The following PDE2A variants were observed in gnomAD, a reference collection of about 807,000 sequenced individuals.
PDE2A encodes the protein phosphodiesterase 2A, also known as cGMP-dependent 3',5'-cyclic phosphodiesterase.
Under a neutral mutation model 133.6 loss-of-function variants are expected in PDE2A, and 53 were observed. The observed-to-expected ratio is 0.40, with a 90% CI of 0.32 to 0.50. PDE2A has a LOEUF of 0.50. Among genes scored for constraint, PDE2A ranks in the 20% least tolerant of loss-of-function variants. The pLI is 0.73. For synonymous variants in PDE2A, 491 were observed against 490.2 expected, an observed-to-expected ratio of 1.00 and a Z score of -0.02; for missense variants, 796 against 1,232.4, an observed-to-expected ratio of 0.65 and a Z score of 5.30.
At position 72,605,734 on chromosome 11, in the gene PDE2A, C is replaced by A. The variant is rs142032428; in HGVS notation, c.235-508G>T. On this transcript the variant is annotated intron_variant, in intron 3 of 30. Transcript: ENST00000334456. ...GGGAGGAACACAGAGCAGGGCACTGCGCCATCCTCCGGTGGGGCTGGAGAG... is the reference window on the plus strand; with the variant it reads ...GGGAGGAACACAGAGCAGGGCACTGAGCCATCCTCCGGTGGGGCTGGAGAG... 1.5e-4 allele frequency among the ~76,000 whole-genome samples: 23 copies of A among 152,366 alleles called. No individual in the cohort carries two copies. The East Asian group carries it at 4.4e-3, about 29-fold the overall frequency.
chr11:72,601,952 C>T, intron 4 of PDE2A, among the ~76,000 whole-genome samples: 1 of 152,116 alleles, frequency 6.6e-6, no homozygotes, highest in Non-Finnish European at 1.5e-5. Flanking sequence ...GTCCTGGATC[C>T]CAGGTCTCTG....
At chr11:72,599,463 C>T (rs1024919490) in intron 4 of PDE2A, among the ~76,000 whole-genome samples, 1 of 152,138 alleles carries the variant, frequency 6.6e-6, no homozygotes, top group Non-Finnish European at 1.5e-5. Context: ...AGGTCCTTCA[C>T]GGCTTGTCCA....
intron 2 of PDE2A, among the ~76,000 whole-genome samples, chr11:72,614,620 C>T (rs1398958198): frequency 6.6e-6 from 1 of 152,222 alleles, no homozygotes; most frequent in Non-Finnish European, 1.5e-5. Context: ...CGTTTCCAAA[C>T]ATTCCTAGAT....
chr11:72,641,905 T>G (rs1033572511), intron 2 of PDE2A, among the ~76,000 whole-genome samples: 2 of 152,070 alleles, frequency 1.3e-5, no homozygotes, highest in East Asian at 3.9e-4. Flanking sequence ...GAGCCCCACA[T>G]ATATGGTGAA....
At chr11:72,654,454 G>T (rs415603) in intron 1 of PDE2A, among the ~76,000 whole-genome samples, 1 of 152,132 alleles carries the variant, frequency 6.6e-6, no homozygotes, top group South Asian at 2.1e-4. Context: ...AGGCTCCTCC[G>T]CCGGGGAAGA....
chr11:72,589,709 C>T, intron 11 of PDE2A, 42 bp downstream of exon 11: 1 of 1,593,998 alleles, frequency 6.3e-7, no homozygotes, highest in Middle Eastern at 1.7e-4. Flanking sequence ...CGGCCTCAAC[C>T]GCCCCTGCAG....
Position 72,578,355 on chromosome 11 carries a change from C to A in PDE2A, c.2509-16G>T, listed in dbSNP as rs780118305. On this transcript the variant is annotated splice_polypyrimidine_tract_variant and intron_variant, in intron 29 of 30. Transcript: ENST00000334456. This position sits in a 1 kb window ranked among gnomAD's most constrained non-coding sequence, Gnocchi z 4.2. Reference sequence around the variant, plus strand: ...TGGCCTTCTCCTGCAGGCATCGAGTCGTCAGGCCTGTCCCTCTCATTCCTC... The same window carrying A: ...TGGCCTTCTCCTGCAGGCATCGAGTAGTCAGGCCTGTCCCTCTCATTCCTC... 2 of 1,599,432 alleles carry A rather than the reference C, an allele frequency of 1.3e-6. No homozygotes were observed. Among genetic ancestry groups the A allele is most frequent in the South Asian group, 1.1e-5 (1 of 90,752 alleles).
chr11:72,641,499 TGGGCACATG>T (rs903841440), intron 2 of PDE2A, among the ~76,000 whole-genome samples: 1 of 151,338 alleles, frequency 6.6e-6, no homozygotes, highest in African/African-American at 2.4e-5. Flanking sequence ...CCAAGAGAGG[TGGGCACATG>T]GGGCAACAGA....
At chr11:72,662,381 GC>G (rs1161058962) in intron 1 of PDE2A, among the ~76,000 whole-genome samples, 1 of 152,188 alleles carries the variant, frequency 6.6e-6, no homozygotes, top group Non-Finnish European at 1.5e-5. Context: ...TCCCAGGGAG[GC>G]CCAAGGCCCA....
chr11:72,590,476 CT>C lies in PDE2A; in HGVS notation c.653del (p.Lys218ArgfsTer75). 6.5e-7 allele frequency: 1 copy of C among 1,535,350 alleles called. No individual in the cohort carries two copies. The highest frequency in any genetic ancestry group is 8.7e-7 in the Non-Finnish European group (1 of 1,144,646). ...NPPEGTAEDQ[K>X]GGAAYTDRDR... ...CGCGGTCGGTGTACGCCGCCCCGCC[CT>C]TCTGGTCTTCCGCCGTCCCCTCCGG... On this transcript the variant is annotated frameshift_variant, in exon 8 of 31. Transcript: ENST00000334456. LOFTEE classifies it high-confidence loss of function. The surrounding 1 kb of genome is among the most constrained non-coding windows in gnomAD (Gnocchi z 4.8).
intron 2 of PDE2A, among the ~76,000 whole-genome samples, chr11:72,614,502 A>G (rs920790452): frequency 1.3e-5 from 2 of 151,952 alleles, no homozygotes; most frequent in African/African-American, 4.8e-5. Context: ...CCGTTCCCCA[A>G]TTTTCATGTG....
intron 26 of PDE2A, 61 bp downstream of exon 26, chr11:72,579,473 T>A: frequency 6.4e-7 from 1 of 1,561,646 alleles, no homozygotes; most frequent in Non-Finnish European, 8.7e-7. Context: ...TGGCTCCTTA[T>A]CCCACCTCCA....
intron 1 of PDE2A, among the ~76,000 whole-genome samples, chr11:72,662,617 T>G (rs1591142144): frequency 6.6e-6 from 1 of 152,106 alleles, no homozygotes; most frequent in Non-Finnish European, 1.5e-5. Flanking sequence ...CAGGGAGGGA[T>G]GTCCCTAGAG....
rs577555222 is a variant in PDE2A at position 72,634,028 on chromosome 11, T to A, written c.144+8226A>T. ...CCTCCTTATCCGAAGAATAAAAGGGTTGGACTTGGTGATCTCCCAGGGCCC... is the reference window on the plus strand; with the variant it reads ...CCTCCTTATCCGAAGAATAAAAGGGATGGACTTGGTGATCTCCCAGGGCCC... On this transcript the variant is annotated intron_variant, in intron 2 of 30. Transcript: ENST00000334456. Among the ~76,000 whole-genome samples, 12 of 152,142 alleles carry A rather than the reference T, an allele frequency of 7.9e-5. No homozygotes were observed. The South Asian group carries it at 1.7e-3, about 21-fold the overall frequency.
chr11:72,589,034 G>T, intron 12 of PDE2A, 120 bp from the exon 13 acceptor site: 1 of 1,260,846 alleles, frequency 7.9e-7, no homozygotes, highest in Non-Finnish European at 1.1e-6. Flanking sequence ...TGGAAGCTCT[G>T]TGTCATGGAG....
chr11:72,592,050 A>C (rs1856276339), intron 6 of PDE2A, among the ~76,000 whole-genome samples: 1 of 150,120 alleles, frequency 6.7e-6, no homozygotes, highest in African/African-American at 2.5e-5. Flanking sequence ...TCTCTCCACC[A>C]CCCCCATCAT....
intron 2 of PDE2A, among the ~76,000 whole-genome samples, chr11:72,617,397 G>T (rs377457866): frequency 1.1e-4 from 17 of 152,238 alleles, no homozygotes; most frequent in Non-Finnish European, 2.2e-4. Context: ...CTGGCTGCCC[G>T]GTGATGCCTG....
At chr11:72,587,371 T>C (rs1856023326) in intron 13 of PDE2A, among the ~76,000 whole-genome samples, 1 of 152,206 alleles carries the variant, frequency 6.6e-6, no homozygotes. Flanking sequence ...TTCTCTGTAG[T>C]CACTGCACTG....
chr11:72,673,495 C>A (rs930891679), intron 1 of PDE2A, among the ~76,000 whole-genome samples: 49 of 152,012 alleles, frequency 3.2e-4, no homozygotes, highest in African/African-American at 1.2e-3. Flanking sequence ...GCACATGCAC[C>A]CCCCTGCACG....
Sources: allele counts gnomAD v4.1 joint callset (sites outside exome capture counted in the v4.1 genomes callset), GRCh38; gene constraint gnomAD v4.1.1; non-coding constraint Gnocchi (gnomAD v3.1); transcripts MANE v1.5; gene names NCBI Gene and HGNC (gene_info 2026-07-23, HGNC 2026-07-21).